Variants in JAK1 observed in about 807,000 individuals in gnomAD.
JAK1 encodes the protein Janus kinase 1, also known as tyrosine-protein kinase JAK1.
Under a neutral mutation model 136.6 loss-of-function variants are expected in JAK1, and 16 were observed. The observed-to-expected ratio is 0.12, with a 90% CI of 0.08 to 0.18. The LOEUF (loss-of-function observed/expected upper bound fraction) is 0.18, where lower values mean the gene tolerates loss of function less well. Among genes scored for constraint, JAK1 ranks in the 10% least tolerant of loss-of-function variants. JAK1 has a pLI of 1.00. For synonymous variants in JAK1, 492 were observed against 519.5 expected (o/e 0.95, Z 0.72); for missense variants, 859 against 1,450.1 (o/e 0.59, Z 6.62).
At chr1:65,001,780 T>C (rs933425796) in intron 2 of JAK1, among the ~76,000 whole-genome samples, 1 of 151,204 alleles carries the variant, frequency 6.6e-6, no homozygotes, top group Non-Finnish European at 1.5e-5. Context: ...GTGGTATGTG[T>C]GTTTGAGGGG....
In JAK1 at chr1:64,838,689, C is replaced by T. The variant is rs1258642827; in HGVS notation, c.2843-100G>A. On this transcript the variant is annotated intron_variant, in intron 20 of 24. Transcript: ENST00000342505. ...TGAGACAGAGGCCCTGAGGTGACGC[C>T]AGCTTCGCCCCTTCATTACAGGCAT... 2.6e-6 allele frequency: 3 copies of T among 1,168,860 alleles called. No homozygotes were observed. In the East Asian group the frequency reaches 7.1e-5, roughly 28 times the overall value. 72.4% of individuals were successfully genotyped at this position (1,168,860 alleles called of 1,614,324 possible). A position where few individuals can be genotyped will look rare whatever the true frequency, so the allele number is the denominator to read the frequency against.
rs1023197634 is a variant in JAK1, at chr1:65,037,124, T to C, written c.-78+7356A>G. ...TCACTTAAGCCCAGGAGTTCGAGGT[T>C]GCAGTGATCTGTAATTATGCCACTG... On this transcript the variant is annotated intron_variant, in intron 2 of 25. Coordinates refer to the JAK1 transcript ENST00000671954. 2.0e-5 allele frequency among the ~76,000 whole-genome samples: 3 copies of C among 152,264 alleles called. No homozygotes were observed. In the East Asian group the frequency reaches 5.8e-4, roughly 29 times the overall value.
chr1:64,851,161 T>C (rs1228424654), intron 11 of JAK1, among the ~76,000 whole-genome samples: 1 of 152,042 alleles, frequency 6.6e-6, no homozygotes, highest in Non-Finnish European at 1.5e-5. Context: ...AAAGAACAGG[T>C]GTGTGGTGCT....
rs1453876869 is a variant in JAK1, at chr1:64,833,848, G to A, written c.*714C>T. The A allele has an allele frequency of 8.9e-6, 2 of 224,672 alleles. No individual in the cohort carries two copies. The highest frequency in any genetic ancestry group is 5.0e-5 in the African/African-American group (2 of 40,174). The allele number at this position is 224,672 out of a possible 1,614,324, so 13.9% of individuals were successfully genotyped here. On this transcript the variant is annotated 3_prime_UTR_variant, in exon 25 of 25. Transcript: ENST00000342505. ...AAGGTATACTGCTTAGGAAAGCACT[G>A]GCACAGGCTTAGTTCTTGAGAATTA...
At chr1:64,865,732 CAGG>C (rs1257728896) in intron 7 of JAK1, among the ~76,000 whole-genome samples, 1 of 152,132 alleles carries the variant, frequency 6.6e-6, no homozygotes, top group African/African-American at 2.4e-5. Flanking sequence ...GAGAATAAAA[CAGG>C]AGGAGAAAAT....
chr1:65,014,298 A>G (rs1484250610), intron 2 of JAK1, among the ~76,000 whole-genome samples: 1 of 152,068 alleles, frequency 6.6e-6, no homozygotes, highest in East Asian at 1.9e-4. Context: ...ATTAATTCAC[A>G]TACTCAAGAG....
intron 1 of JAK1, among the ~76,000 whole-genome samples, chr1:65,045,092 A>AG (rs1647172478): frequency 6.6e-6 from 1 of 152,254 alleles, no homozygotes; most frequent in Admixed American, 6.5e-5. Context: ...GTCCTCGGTC[A>AG]GCACCGCTAA....
intron 1 of JAK1, among the ~76,000 whole-genome samples, chr1:64,928,425 G>A (rs1645619922): frequency 1.3e-5 from 2 of 152,306 alleles, no homozygotes; most frequent in Non-Finnish European, 2.9e-5. Context: ...CTTTCTCCCT[G>A]AAGCCAGCTC....
intron 11 of JAK1, among the ~76,000 whole-genome samples, chr1:64,853,905 A>C (rs1474717463): frequency 6.6e-6 from 1 of 152,184 alleles, no homozygotes. Flanking sequence ...AACAGGAAAC[A>C]CATTCAGCAC....
intron 1 of JAK1, among the ~76,000 whole-genome samples, chr1:64,931,479 T>A (rs1259457440): frequency 1.3e-5 from 2 of 151,830 alleles, no homozygotes; most frequent in African/African-American, 4.8e-5. Context: ...GTGAAAACAT[T>A]CAGCCCTCCC....
At chr1:64,995,582 T>C (rs1454798611) in intron 2 of JAK1, among the ~76,000 whole-genome samples, 1 of 152,224 alleles carries the variant, frequency 6.6e-6, no homozygotes, top group Admixed American at 6.5e-5. Context: ...GAGGATAATT[T>C]ACATGACTGT....
chr1:65,013,748 A>G (rs1341347160), intron 2 of JAK1, among the ~76,000 whole-genome samples: 1 of 152,236 alleles, frequency 6.6e-6, no homozygotes, highest in Non-Finnish European at 1.5e-5. Context: ...GTTAACAAGC[A>G]GTACTGGTAA....
chr1:65,065,385 C>T (rs1007990561), intron 1 of JAK1, among the ~76,000 whole-genome samples: 1 of 152,002 alleles, frequency 6.6e-6, no homozygotes, highest in Non-Finnish European at 1.5e-5. Context: ...ATTTTACATG[C>T]TAAACATCTA....
intron 1 of JAK1, among the ~76,000 whole-genome samples, chr1:64,938,857 C>T (rs1242197122): frequency 5.9e-5 from 9 of 152,082 alleles, no homozygotes; most frequent in African/African-American, 1.2e-4. Flanking sequence ...TTTTCTAGTG[C>T]CCCCCAAAAC....
intron 1 of JAK1, among the ~76,000 whole-genome samples, chr1:65,053,229 C>T (rs1647370151): frequency 6.6e-6 from 1 of 151,586 alleles, no homozygotes; most frequent in African/African-American, 2.4e-5. Flanking sequence ...TGCCTGTAGT[C>T]CCAGCTACTC....
chr1:65,017,047 A>G (rs1452700784), intron 2 of JAK1, among the ~76,000 whole-genome samples: 1 of 152,260 alleles, frequency 6.6e-6, no homozygotes, highest in Non-Finnish European at 1.5e-5. Flanking sequence ...ATTTATAAGT[A>G]CCTAGTAGTG....
chr1:65,048,480 T>A (rs1157814430), intron 1 of JAK1, among the ~76,000 whole-genome samples: 1 of 152,234 alleles, frequency 6.6e-6, no homozygotes, highest in African/African-American at 2.4e-5. Flanking sequence ...GGAGTTGGAC[T>A]AAGGTCGCTT....
chr1:64,989,034 T>A (rs1224106389), intron 2 of JAK1, among the ~76,000 whole-genome samples: 5 of 120,122 alleles, frequency 4.2e-5, no homozygotes, highest in Non-Finnish European at 7.5e-5. Context: ...ATATATAAAA[T>A]ACAGAGATAA....
chr1:64,931,007 G>A (rs1645681504), intron 1 of JAK1, among the ~76,000 whole-genome samples: 1 of 151,998 alleles, frequency 6.6e-6, no homozygotes, highest in Non-Finnish European at 1.5e-5. Context: ...AGGGGGTGGG[G>A]GACTAGGGGT....
Sources: gnomAD v4.1 joint callset for allele counts (sites outside exome capture counted in the v4.1 genomes callset) on GRCh38, gnomAD v4.1.1 for gene constraint, MANE v1.5 for transcripts, NCBI Gene and HGNC (gene_info 2026-07-23, HGNC 2026-07-21) for gene names.